The following IQSEC1 variants were observed in gnomAD, a reference collection of about 807,000 sequenced individuals.
IQSEC1 encodes the protein IQ motif and SEC7 domain-containing protein 1.
Under a neutral mutation model 91.0 loss-of-function variants are expected in IQSEC1, and 31 were observed. The observed-to-expected ratio is 0.34, with a 90% CI of 0.26 to 0.46. The LOEUF is 0.46. Ranked by LOEUF, IQSEC1 falls within the 20% of genes least tolerant of loss-of-function variation. The pLI, the probability that IQSEC1 is intolerant of heterozygous loss-of-function variation, is 1.00. For synonymous variants in IQSEC1, 699 were observed against 662.6 expected (o/e 1.05, Z -0.84); for missense variants, 1,388 against 1,575.6 (o/e 0.88, Z 2.02).
At chr3:13,203,927 C>T (rs1156271350) in intron 1 of IQSEC1, among the ~76,000 whole-genome samples, 1 of 152,220 alleles carries the variant, frequency 6.6e-6, no homozygotes, top group Non-Finnish European at 1.5e-5. Flanking sequence ...CCTGGCAGAC[C>T]CCGTCCCAGG....
Position 13,166,309 on chromosome 3 carries a change from GATCT to G in IQSEC1, c.273-2180_273-2177del, listed in dbSNP as rs145320386. 8.9e-3 allele frequency among the ~76,000 whole-genome samples: 1,352 copies of G among 152,330 alleles called. 17 individuals are homozygous for G. Among genetic ancestry groups the G allele is most frequent in the African/African-American group, 0.031 (1,282 of 41,574 alleles). Reference sequence around the variant, plus strand: ...GAAGCTCTCTATTTATGTCTCTTAGGATCTATCTGCCTCAGTAGGACGAAAATGC... The same window carrying G: ...GAAGCTCTCTATTTATGTCTCTTAGGATCTGCCTCAGTAGGACGAAAATGC... On this transcript the variant is annotated intron_variant, in intron 1 of 15. Coordinates refer to the IQSEC1 transcript ENST00000648114.
rs1051186489 is a variant in IQSEC1 at position 12,897,492 on chromosome 3, C to T, written c.*3491G>A. 3.3e-5 allele frequency: 5 copies of T among 152,172 alleles called. No homozygotes were observed. The highest frequency in any genetic ancestry group is 7.3e-5 in the Non-Finnish European group (5 of 68,036). The allele number at this position is 152,172 out of a possible 1,614,324, so 9.4% of individuals were successfully genotyped here. On this transcript the variant is annotated 3_prime_UTR_variant, in exon 14 of 14. Transcript: ENST00000613206. ...AGAGGAGATGCATGCTGTGTGCAGT[C>T]TCGATGTGACTGCACACAGAAGGGC...
intron 1 of IQSEC1, among the ~76,000 whole-genome samples, chr3:13,059,311 TCC>T (rs969044018): frequency 6.8e-6 from 1 of 147,090 alleles, no homozygotes; most frequent in Non-Finnish European, 1.5e-5. Context: ...TGCCCTGTTC[TCC>T]CCTGTTCCCT....
Position 13,211,265 on chromosome 3 carries a change from C to T in IQSEC1, c.273-47132G>A, listed in dbSNP as rs1694439181. Among the ~76,000 whole-genome samples the T allele has an allele frequency of 1.3e-5, 2 of 152,298 alleles. No individual in the cohort carries two copies. The highest frequency in any genetic ancestry group is 1.9e-4 in the East Asian group (1 of 5,176). On this transcript the variant is annotated intron_variant, in intron 1 of 15. Transcript: ENST00000648114. The surrounding 1 kb of genome is among the most constrained non-coding windows in gnomAD (Gnocchi z 5.3). ...GATGACGGGGGTCTCACCACCTCCT[C>T]GACAGCAATGAACATGAAAGGCCTT...
At chr3:13,270,250 T>C (rs984118066) in intron 1 of IQSEC1, among the ~76,000 whole-genome samples, 2 of 152,238 alleles carry the variant, frequency 1.3e-5, no homozygotes, top group Admixed American at 6.5e-5. Context: ...GTGGTTGTTT[T>C]AAAACTAAAT....
intron 1 of IQSEC1, among the ~76,000 whole-genome samples, chr3:13,266,219 C>T (rs1406265247): frequency 6.6e-6 from 1 of 152,236 alleles, no homozygotes; most frequent in Non-Finnish European, 1.5e-5. Context: ...ACCACCTCCA[C>T]AATTTTGTCT....
upstream of IQSEC1, among the ~76,000 whole-genome samples, chr3:13,076,429 G>C (rs1183233476): frequency 6.6e-6 from 1 of 152,196 alleles, no homozygotes; most frequent in African/African-American, 2.4e-5. Context: ...CCACCCTGCA[G>C]GCTGGCAGGA....
chr3:13,058,204 C>T (rs1704943181), intron 1 of IQSEC1, among the ~76,000 whole-genome samples: 2 of 152,142 alleles, frequency 1.3e-5, no homozygotes, highest in South Asian at 4.1e-4. Context: ...ACCTGGTGGG[C>T]GGAGGTTGCA....
intron 1 of IQSEC1, among the ~76,000 whole-genome samples, chr3:13,201,488 G>A (rs1292123454): frequency 1.3e-5 from 2 of 152,140 alleles, no homozygotes; most frequent in Non-Finnish European, 2.9e-5. Flanking sequence ...ATACCACCAG[G>A]CCCAGCTAAT....
chr3:13,219,928 G>A (rs894970095), intron 1 of IQSEC1, among the ~76,000 whole-genome samples: 1 of 152,204 alleles, frequency 6.6e-6, no homozygotes, highest in African/African-American at 2.4e-5. Flanking sequence ...GCATTTATTT[G>A]TCTTCTCTCT....
intron 2 of IQSEC1, among the ~76,000 whole-genome samples, chr3:13,089,181 T>C (rs1705793936): frequency 6.6e-6 from 1 of 152,366 alleles, no homozygotes; most frequent in African/African-American, 2.4e-5. Context: ...CACTTGTCAC[T>C]ATAAAACCAC....
chr3:13,188,836 C>T (rs771346171), intron 1 of IQSEC1, among the ~76,000 whole-genome samples: 2 of 152,200 alleles, frequency 1.3e-5, no homozygotes, highest in Admixed American at 6.5e-5. Context: ...AGGGTTGCAG[C>T]CCTTGGATCC....
chr3:13,276,932 G>GC (rs1695693928), intron 1 of IQSEC1, among the ~76,000 whole-genome samples: 1 of 151,864 alleles, frequency 6.6e-6, no homozygotes, highest in South Asian at 2.1e-4. Flanking sequence ...TGGCCCCACC[G>GC]CAGCCTCTGC....
In IQSEC1 at chr3:12,941,778, G is replaced by A. The variant is rs781544612; in HGVS notation, c.111C>T (p.Ser37=). The change falls in exon 2 of 14, where the codon TCC becomes TCT. Residue 37 remains serine, a synonymous_variant. Transcript: ENST00000613206. ...GCTCGTAGTGATCCGGGCTCAGGCT[G>A]GAACCGGGCACCAAGGGGCCCTGGG... is the stretch of plus-strand genomic sequence containing the variant. The part of the protein sequence containing the change: ...AYPQGPLVPG[S]SLSPDHYEHT... 4 of 1,611,868 alleles carry A rather than the reference G, an allele frequency of 2.5e-6. No individual in the cohort carries two copies. The Admixed American group carries it at 6.7e-5, about 27-fold the overall frequency.
chr3:13,211,421 C>T lies in IQSEC1; in HGVS notation c.273-47288G>A, dbSNP rs910412996. Among the ~76,000 whole-genome samples, 3 of 152,128 alleles carry T rather than the reference C, an allele frequency of 2.0e-5. No individual in the cohort carries two copies. The highest frequency in any genetic ancestry group is 2.9e-5 in the Non-Finnish European group (2 of 68,010). On this transcript the variant is annotated intron_variant, in intron 1 of 15. Transcript: ENST00000648114. This position sits in a 1 kb window ranked among gnomAD's most constrained non-coding sequence, Gnocchi z 5.3. ...GAGGTCTCTGTTTTCTGGGCCCCCACGGGCCCCCTCTGCCCCCTGCCCCAG... is the reference window on the plus strand; with the variant it reads ...GAGGTCTCTGTTTTCTGGGCCCCCATGGGCCCCCTCTGCCCCCTGCCCCAG...
intron 1 of IQSEC1, among the ~76,000 whole-genome samples, chr3:12,948,745 G>C (rs1306544734): frequency 6.6e-6 from 1 of 152,136 alleles, no homozygotes; most frequent in African/African-American, 2.4e-5. Flanking sequence ...ATGTCTATAT[G>C]GCTAGTGATG....
chr3:13,230,034 TA>T (rs1404057540), intron 1 of IQSEC1, among the ~76,000 whole-genome samples: 1 of 152,134 alleles, frequency 6.6e-6, no homozygotes, highest in Non-Finnish European at 1.5e-5. Flanking sequence ...AAAATGGAAT[TA>T]AAAGATAAAA....
At chr3:13,038,248 A>G (rs9310415) in intron 1 of IQSEC1, among the ~76,000 whole-genome samples, 9,597 of 116,330 alleles carry the variant, frequency 0.082, 1,333 homozygotes, top group African/African-American at 0.28. Context: ...AAGTATATAT[A>G]TGTGTGTGTG....
chr3:13,070,446 C>T (rs1220208546), intron 1 of IQSEC1, among the ~76,000 whole-genome samples: 1 of 152,214 alleles, frequency 6.6e-6, no homozygotes, highest in Non-Finnish European at 1.5e-5. Flanking sequence ...TCTAGAGATG[C>T]TCAACACCCC....
Sources: gnomAD v4.1 joint callset for allele counts (sites outside exome capture counted in the v4.1 genomes callset) on GRCh38, gnomAD v4.1.1 for gene constraint, Gnocchi (gnomAD v3.1) non-coding constraint, MANE v1.5 for transcripts, NCBI Gene and HGNC (gene_info 2026-07-23, HGNC 2026-07-21) for gene names.